The following POLD1 variants were observed in gnomAD, a reference collection of about 807,000 sequenced individuals.
The protein encoded by POLD1 is DNA polymerase delta 1, catalytic subunit.
POLD1 carries 79 observed loss-of-function variants against 129.7 expected under a neutral mutation model. The ratio of observed to expected loss-of-function variants is 0.61; its 90% CI spans 0.51 to 0.73. The LOEUF is 0.73. Ranked by LOEUF, POLD1 falls within the 30% of genes least tolerant of loss-of-function variation. The pLI, the probability that POLD1 is intolerant of heterozygous loss-of-function variation, is 0.00. For synonymous variants in POLD1, 714 were observed against 683.3 expected (o/e 1.04, Z -0.70); for missense variants, 1,338 against 1,595.8 (o/e 0.84, Z 2.75).
At chr19:50,391,222 G>A (rs529146107) in intron 1 of POLD1, among the ~76,000 whole-genome samples, 75 of 149,788 alleles carry the variant, frequency 5.0e-4, no homozygotes, top group African/African-American at 1.7e-3. Flanking sequence ...ACGGGATGGC[G>A]GCTGGGAAGA....
At chr19:50,407,278 G>T (rs368086982) in intron 13 of POLD1, 49 bp from the exon 14 acceptor site, 7 of 1,560,136 alleles carry the variant, frequency 4.5e-6, no homozygotes, top group African/African-American at 1.4e-5. Context: ...CTCCCAATCC[G>T]CACGGCCCCA....
At position 50,399,032 on chromosome 19, in the gene POLD1, G is replaced by T; in HGVS notation, c.181G>T (p.Val61Phe). Residue 61 changes from valine (V) to phenylalanine (F), a missense_variant, in exon 2 of 27, where the codon GTC becomes TTC. By Grantham distance (50) the Val-to-Phe change is conservative (BLOSUM62 -1). Transcript: ENST00000440232. ...GCAGGAGGAGGAGGAGCTGCAGTCA[G>T]TCCTGGAGGGGGTTGCAGACGGTAA... ...QEQEEEELQSVLEGVADGQVP... is the reference protein window; with the variant it reads ...QEQEEEELQSFLEGVADGQVP... The T allele has an allele frequency of 6.4e-7, 1 of 1,555,802 alleles. No individual in the cohort carries two copies. The highest frequency in any genetic ancestry group is 8.7e-7 in the Non-Finnish European group (1 of 1,149,480).
intron 14 of POLD1, 102 bp from the exon 15 acceptor site, chr19:50,408,683 A>T: frequency 2.6e-6 from 4 of 1,521,180 alleles, no homozygotes; most frequent in Non-Finnish European, 3.5e-6. Context: ...CTCCCAGCCA[A>T]TGAATGATTT....
intron 2 of POLD1, 95 bp downstream of exon 2, chr19:50,399,148 C>T: frequency 6.5e-7 from 1 of 1,527,928 alleles, no homozygotes; most frequent in South Asian, 1.2e-5. Flanking sequence ...CCTGTGACCC[C>T]ACTCTGGCCA....
Position 50,402,228 on chromosome 19 carries a change from G to T in POLD1, c.613G>T (p.Gly205Cys), listed in dbSNP as rs914238978. 1.3e-6 allele frequency: 2 copies of T among 1,587,894 alleles called. No homozygotes were observed. Among genetic ancestry groups the T allele is most frequent in the East Asian group, 4.5e-5 (2 of 44,588 alleles). Reference protein sequence around the residue: ...RESMFGYHGHGPSPFLRITVA... With the variant: ...RESMFGYHGHCPSPFLRITVA... The stretch of plus-strand genomic sequence containing the variant: ...AGGCATGTTTGGGTACCACGGGCAC[G>T]GCCCCTCCCCGTTCCTGCGCATCAC... The change falls in exon 6 of 27, where the codon GGC becomes TGC. Residue 205 changes from glycine to cysteine, a missense_variant. Physicochemically the swap from Gly to Cys is radical, Grantham distance 159 (BLOSUM62 -3). Coordinates refer to ENST00000440232, the MANE Select transcript of POLD1 (RefSeq NM_002691.4).
intron 1 of POLD1, among the ~76,000 whole-genome samples, chr19:50,398,149 G>T (rs1212070638): frequency 2.6e-5 from 4 of 152,198 alleles, no homozygotes; most frequent in African/African-American, 9.7e-5. Flanking sequence ...CTAGGCATTT[G>T]AGATTATTTC....
intron 14 of POLD1, among the ~76,000 whole-genome samples, chr19:50,407,785 C>G (rs1419603733): frequency 6.9e-6 from 1 of 144,788 alleles, no homozygotes; most frequent in Non-Finnish European, 1.5e-5. Context: ...CCGTGTTAGC[C>G]AGGATGGTCT....
At chr19:50,394,769 G>T (rs975664062) in intron 1 of POLD1, among the ~76,000 whole-genome samples, 2 of 152,128 alleles carry the variant, frequency 1.3e-5, no homozygotes, top group African/African-American at 4.8e-5. Context: ...CCGCATCTAG[G>T]ATCTGCCCTA....
chr19:50,408,783 A>T lies in POLD1; in HGVS notation c.1776-2A>T, dbSNP rs112978206. The T allele has an allele frequency of 2.5e-6, 4 of 1,613,180 alleles. No homozygotes were observed. Among genetic ancestry groups the T allele is most frequent in the Non-Finnish European group, 3.4e-6 (4 of 1,179,934 alleles). On this transcript the variant is annotated splice_acceptor_variant, in intron 14 of 26. Transcript: ENST00000440232. LOFTEE classifies it high-confidence loss of function. ...TCCCGGCCGCGGCTGCTCCCCTCCC[A>T]GGTACTACGACGTCCCCATCGCCAC...
intron 20 of POLD1, among the ~76,000 whole-genome samples, 153 bp from the exon 21 acceptor site, chr19:50,415,285 C>T (rs1206478746): frequency 1.3e-5 from 2 of 152,220 alleles, no homozygotes; most frequent in African/African-American, 2.4e-5. Context: ...GGCCCTGCCT[C>T]TGCCACTCTG....
Position 50,401,805 on chromosome 19 carries a change from C to T in POLD1, c.344C>T (p.Pro115Leu). ...CCAGCGCAGCCTGTGCCTGGGGGGC[C>T]CCCACCATCCCGCGGCTCCGTGCCT... ...VGPAQPVPGG[P>L]PPSRGSVPVL... Residue 115 changes from proline to leucine, a missense_variant, in exon 4 of 27, where the codon CCC (proline) becomes CTC (leucine). By Grantham distance (98) the Pro-to-Leu change is moderately conservative. Transcript: ENST00000440232. The T allele has an allele frequency of 6.2e-7, 1 of 1,613,196 alleles. No homozygotes were observed. The highest frequency in any genetic ancestry group is 8.5e-7 in the Non-Finnish European group (1 of 1,179,858).
Position 50,399,008 on chromosome 19 carries a change from C to T in POLD1, c.157C>T (p.Gln53Ter). 6.4e-7 allele frequency: 1 copy of T among 1,563,238 alleles called. No individual in the cohort carries two copies. Among genetic ancestry groups the T allele is most frequent in the African/African-American group, 1.4e-5 (1 of 74,062 alleles). The change falls in exon 2 of 27, where the codon CAG becomes TAG. Residue 53 changes from glutamine (Q) to a stop codon, truncating the protein, a stop_gained. Transcript: ENST00000440232. LOFTEE classifies it high-confidence loss of function. ...GGAGGCAGAACACAGGCTGCAGGAG[C>T]AGGAGGAGGAGGAGCTGCAGTCAGT... ...EMEAEHRLQE[Q>*]EEEELQSVLE...
chr19:50,408,055 A>AG (rs1256792025), intron 14 of POLD1, among the ~76,000 whole-genome samples: 1 of 150,792 alleles, frequency 6.6e-6, no homozygotes, highest in Non-Finnish European at 1.5e-5. Context: ...TTAATAGGCC[A>AG]GGCACGGTGG....
At chr19:50,404,349 G>A (rs146339629) in intron 10 of POLD1, among the ~76,000 whole-genome samples, 1,594 of 137,704 alleles carry the variant, frequency 0.012, 85 homozygotes, top group African/African-American at 0.046. Context: ...TGCAAACTCC[G>A]CCTCCCAGGT....
At position 50,406,341 on chromosome 19, in the gene POLD1, G is replaced by GTGTGT; in HGVS notation, c.1383+20_1383+24dup. On this transcript the variant is annotated intron_variant, in intron 11 of 26. Transcript: ENST00000440232. The surrounding 1 kb of genome is among the most constrained non-coding windows in gnomAD (Gnocchi z 5.5). ...GCTGCAGGTATGGGCGGGAGGTGGG[G>GTGTGT]TGTGTCCCTGTCCTTGGAAGGCCAC... is the stretch of plus-strand genomic sequence containing the variant. The GTGTGT allele has an allele frequency of 6.2e-7, 1 of 1,613,126 alleles. No individual in the cohort carries two copies.
At chr19:50,399,262 G>A in intron 2 of POLD1, 109 bp from the exon 3 acceptor site, 1 of 1,158,834 alleles carries the variant, frequency 8.6e-7, no homozygotes, top group Non-Finnish European at 1.3e-6. Context: ...CAAGTTTCCT[G>A]CCTGACCCAG....
Position 50,402,339 on chromosome 19 carries a change from G to A in POLD1, c.724G>A (p.Ala242Thr), listed in dbSNP as rs910905700. 6.2e-6 allele frequency: 10 copies of A among 1,611,002 alleles called. No individual in the cohort carries two copies. The highest frequency in any genetic ancestry group is 5.3e-5 in the African/African-American group (4 of 74,896). Residue 242 changes from alanine (A) to threonine (T), a missense_variant, in exon 6 of 27, where the codon GCG becomes ACG. Around this residue, in one of 3 missense-constraint regions of POLD1, gnomAD observed 720 missense variants for 1,002.6 expected, o/e 0.72. Transcript: ENST00000440232. ...RVAGLGTPSFAPYEANVDFEI... is the reference protein window; with the variant it reads ...RVAGLGTPSFTPYEANVDFEI... ...GGCAGGCCTGGGCACGCCCAGCTTC[G>A]CGCCCTACGAGGCCAACGTCGACTT...
At chr19:50,384,924 C>T (rs897691040) in intron 1 of POLD1, among the ~76,000 whole-genome samples, 3 of 152,294 alleles carry the variant, frequency 2.0e-5, no homozygotes, top group East Asian at 3.9e-4. Context: ...GAATCGACCG[C>T]TCTGGGACCC....
chr19:50,415,116 C>G, intron 20 of POLD1, 126 bp downstream of exon 20: 1 of 898,184 alleles, frequency 1.1e-6, no homozygotes, highest in Non-Finnish European at 1.6e-6. Context: ...CAGCCCCCTC[C>G]TCCTCAGATC....
Sources: allele counts gnomAD v4.1 joint callset (sites outside exome capture counted in the v4.1 genomes callset), GRCh38; gene constraint gnomAD v4.1.1; regional missense constraint gnomAD v4.1.1; non-coding constraint Gnocchi (gnomAD v3.1); transcripts MANE v1.5; gene names NCBI Gene and HGNC (gene_info 2026-07-23, HGNC 2026-07-21).